CFAP44: variants seen among roughly 807,000 people sequenced by gnomAD.
The protein encoded by CFAP44 is cilia and flagella associated protein 44, also known as cilia- and flagella-associated protein 44.
Under a neutral mutation model 216.2 loss-of-function variants are expected in CFAP44, and 134 were observed. The observed-to-expected ratio is 0.62, with a 90% CI of 0.54 to 0.72. CFAP44 has a LOEUF of 0.72. CFAP44 is among the 30% of genes least tolerant of loss of function. The pLI is 0.00. For synonymous variants in CFAP44, 700 were observed against 727.6 expected (o/e 0.96, Z 0.61); for missense variants, 2,035 against 2,182.1 (o/e 0.93, Z 1.34).
At chr3:113,320,165 A>G (rs1559910182) in intron 28 of CFAP44, among the ~76,000 whole-genome samples, 1 of 152,076 alleles carries the variant, frequency 6.6e-6, no homozygotes, top group Non-Finnish European at 1.5e-5. Context: ...CCAGACATAC[A>G]AAGAAGAATT....
intron 33 of CFAP44, 108 bp downstream of exon 33, chr3:113,296,617 G>A (rs3829889): frequency 0.18 from 235,238 of 1,314,836 alleles, 21,654 homozygotes; most frequent in African/African-American, 0.25. Context: ...GGGGGCTCGC[G>A]GACCAGCTCC....
At chr3:113,357,079 A>C (rs2107306447) in intron 22 of CFAP44, among the ~76,000 whole-genome samples, 1 of 152,344 alleles carries the variant, frequency 6.6e-6, no homozygotes, top group Non-Finnish European at 1.5e-5. Flanking sequence ...CAAACACCTA[A>C]CAACAGAAAA....
intron 15 of CFAP44, among the ~76,000 whole-genome samples, chr3:113,385,211 TA>T (rs779365864): frequency 4.5e-4 from 69 of 152,318 alleles, no homozygotes; most frequent in Non-Finnish European, 8.1e-4. Flanking sequence ...GTGAGTCCAT[TA>T]AACCTCTTTT....
intron 34 of CFAP44, chr3:113,293,897 C>G (rs758037721): frequency 2.3e-6 from 1 of 427,984 alleles, no homozygotes; most frequent in African/African-American, 2.1e-5. Flanking sequence ...GACTGCTGGG[C>G]CCCTCCCCTC....
intron 15 of CFAP44, among the ~76,000 whole-genome samples, chr3:113,389,824 A>G (rs1356618271): frequency 2.0e-5 from 3 of 152,148 alleles, no homozygotes; most frequent in Non-Finnish European, 4.4e-5. Context: ...CAAAACGTGA[A>G]CAGACCAATT....
intron 1 of CFAP44, among the ~76,000 whole-genome samples, chr3:113,440,863 T>C (rs556801687): frequency 3.2e-4 from 49 of 152,274 alleles, no homozygotes; most frequent in African/African-American, 1.2e-3. Flanking sequence ...AAGATTTTCA[T>C]CAGTACGCAC....
At chr3:113,431,446 A>C (rs1467864709) in intron 2 of CFAP44, among the ~76,000 whole-genome samples, 1 of 152,184 alleles carries the variant, frequency 6.6e-6, no homozygotes, top group Admixed American at 6.5e-5. Context: ...ATCCAGGAAA[A>C]CACTGCCGAG....
intron 24 of CFAP44, 142 bp downstream of exon 24, chr3:113,341,600 TTA>T (rs780608607): frequency 2.0e-6 from 2 of 996,594 alleles, no homozygotes; most frequent in Non-Finnish European, 2.7e-6. Context: ...GCTGACCTGT[TTA>T]TAATATCTCC....
At position 113,427,249 on chromosome 3, in the gene CFAP44, T is replaced by C. The variant is rs752489992; in HGVS notation, c.191A>G (p.Asp64Gly). 2 of 1,613,636 alleles carry C rather than the reference T, an allele frequency of 1.2e-6. No individual in the cohort carries two copies. Among genetic ancestry groups the C allele is most frequent in the Non-Finnish European group, 1.7e-6 (2 of 1,179,854 alleles). The change falls in exon 3 of 35, where the codon GAT becomes GGT. Residue 64 changes from aspartate to glycine, a missense_variant. Asp to Gly is a moderately conservative substitution (Grantham distance 94, BLOSUM62 -1). This residue lies in a region of CFAP44 where 149 missense variants were observed against 141.8 expected (regional missense o/e 1.05). Coordinates refer to ENST00000393845, the MANE Select transcript of CFAP44 (RefSeq NM_001164496.2). ...GEGSYLEEDSDEERLEGSLSS... is the reference protein window; with the variant it reads ...GEGSYLEEDSGEERLEGSLSS... ...CAAACTTCCTTCCAAACGTTCCTCA[T>C]CTGAGTCTTCTTCTAAATATGATCC...
In CFAP44 at chr3:113,330,620, C is replaced by A; in HGVS notation, c.3664G>T (p.Asp1222Tyr). The change falls in exon 26 of 35, where the codon GAC becomes TAC. Residue 1222 changes from aspartate (D) to tyrosine (Y), a missense_variant. Transcript: ENST00000393845. ...TCCTCAACAACAGCCACTTTAAGGT[C>A]TCTAAGAGAGAGAATGCACTTGTTC... ...HMNKCILSLR[D>Y]LKVAVVEEIQ... The A allele has an allele frequency of 6.5e-7, 1 of 1,536,770 alleles. No individual in the cohort carries two copies. Among genetic ancestry groups the A allele is most frequent in the South Asian group, 1.2e-5 (1 of 83,790 alleles).
At chr3:113,378,261 A>T (rs1933406553) in intron 17 of CFAP44, among the ~76,000 whole-genome samples, 1 of 152,162 alleles carries the variant, frequency 6.6e-6, no homozygotes, top group Non-Finnish European at 1.5e-5. Flanking sequence ...GAAGGCAGGA[A>T]CCATGTTTTC....
chr3:113,326,093 A>G (rs1160576648), intron 28 of CFAP44, among the ~76,000 whole-genome samples: 1 of 152,262 alleles, frequency 6.6e-6, no homozygotes. Flanking sequence ...CAGTAAAAAA[A>G]GCAAATGATC....
rs1934207830 is a variant in CFAP44, at chr3:113,403,933, C to T, written c.1089G>A (p.Lys363=). The T allele has an allele frequency of 6.2e-7, 1 of 1,614,204 alleles. No homozygotes were observed. The highest frequency in any genetic ancestry group is 8.5e-7 in the Non-Finnish European group (1 of 1,180,036). The change falls in exon 9 of 35, where the codon AAG becomes AAA. Residue 363 remains lysine (K), a synonymous_variant. Coordinates refer to ENST00000393845, the MANE Select transcript of CFAP44 (RefSeq NM_001164496.2). The part of the protein sequence containing the change: ...IKVELCRGTS[K]SCHNGPINQI... ...GGTTAATGGGACCATTGTGACATGACTTGCTTGTCCCTCGACAGAGCTCCA... is the reference window on the plus strand; with the variant it reads ...GGTTAATGGGACCATTGTGACATGATTTGCTTGTCCCTCGACAGAGCTCCA...
At position 113,291,619 on chromosome 3, in the gene CFAP44, T is replaced by C. The variant is rs2291905; in HGVS notation, c.5503A>G (p.Ser1835Gly). ...GACTGAATGGGTGGGAGGATAAGAC[T>C]GCCTTTCCTACGCAAAAGAGCAATC... ...EEIALLRRKG[S>G]LILPPIQSPR... Residue 1835 changes from serine (S) to glycine (G), a missense_variant, in exon 35 of 35, where the codon AGT becomes GGT. Physicochemically the swap from Ser to Gly is moderately conservative, Grantham distance 56. This residue lies in a region of CFAP44 where 1,883 missense variants were observed against 2,023.7 expected (regional missense o/e 0.93). Transcript: ENST00000393845. The C allele has an allele frequency of 0.78, 1,206,386 of 1,536,988 alleles. 475,452 individuals carry two copies. Among genetic ancestry groups the C allele is most frequent in the Admixed American group, 0.86 (43,592 of 50,970 alleles).
chr3:113,294,726 CTTCTT>C lies in CFAP44; in HGVS notation c.5329_5333del (p.Lys1777GlufsTer3). 1 of 1,535,996 alleles carries C rather than the reference CTTCTT, an allele frequency of 6.5e-7. No individual in the cohort carries two copies. Among genetic ancestry groups the C allele is most frequent in the Non-Finnish European group, 8.7e-7 (1 of 1,146,448 alleles). On this transcript the variant is annotated frameshift_variant, in exon 34 of 35. Transcript: ENST00000393845. LOFTEE classifies it high-confidence loss of function. ...GTGTATTCAACCGAGAATCAAGTTT[CTTCTT>C]TTCAATACACAAATCATTCATCTGA...
intron 28 of CFAP44, among the ~76,000 whole-genome samples, chr3:113,320,452 T>TGACA (rs1481903315): frequency 8.9e-6 from 1 of 112,556 alleles, no homozygotes; most frequent in South Asian, 2.6e-4. Flanking sequence ...ATGATATATA[T>TGACA]TACATCTATA....
intron 28 of CFAP44, among the ~76,000 whole-genome samples, chr3:113,322,320 A>G (rs1950152736): frequency 6.6e-6 from 1 of 152,158 alleles, no homozygotes; most frequent in Non-Finnish European, 1.5e-5. Context: ...CTAGCCATAG[A>G]CAACCTACAG....
chr3:113,427,950 A>G (rs906931784), intron 2 of CFAP44, among the ~76,000 whole-genome samples: 15 of 152,198 alleles, frequency 9.9e-5, no homozygotes, highest in Non-Finnish European at 1.8e-4. Context: ...CAAATGTACT[A>G]CTAGGTACCA....
At chr3:113,393,915 CAGA>C in intron 15 of CFAP44, among the ~76,000 whole-genome samples, 1 of 152,266 alleles carries the variant, frequency 6.6e-6, no homozygotes, top group South Asian at 2.1e-4. Context: ...AGGCCCTCAC[CAGA>C]AGAAGATGCT....
Sources: gnomAD v4.1 joint callset for allele counts (sites outside exome capture counted in the v4.1 genomes callset) on GRCh38, gnomAD v4.1.1 for gene constraint, gnomAD v4.1.1 regional missense constraint, MANE v1.5 for transcripts, NCBI Gene and HGNC (gene_info 2026-07-23, HGNC 2026-07-21) for gene names.